Variants in HERPUD2 observed in about 807,000 individuals in gnomAD.
HERPUD2 encodes homocysteine-responsive endoplasmic reticulum-resident ubiquitin-like domain member 2 protein.
HERPUD2 carries 13 observed loss-of-function variants against 49.9 expected under a neutral mutation model. The ratio of observed to expected loss-of-function variants is 0.26; its 90% CI spans 0.17 to 0.41. The LOEUF (loss-of-function observed/expected upper bound fraction) is 0.41, where lower values mean the gene tolerates loss of function less well. Ranked by LOEUF, HERPUD2 falls within the 10% of genes least tolerant of loss-of-function variation. The probability of loss-of-function intolerance (pLI) is 1.00; values close to 1 mark genes in which losing one functional copy is unlikely to be tolerated. For synonymous variants in HERPUD2, 172 were observed against 171.4 expected, an observed-to-expected ratio of 1.00 and a Z score of -0.03; for missense variants, 449 against 492.2, an observed-to-expected ratio of 0.91 and a Z score of 0.83.
At chr7:35,638,195 G>T (rs1225507724) in intron 6 of HERPUD2, among the ~76,000 whole-genome samples, 155 bp downstream of exon 6, 4 of 152,234 alleles carry the variant, frequency 2.6e-5, no homozygotes, top group African/African-American at 7.2e-5. Context: ...GGCAGGGTTA[G>T]TTCATGTGAA....
intron 3 of HERPUD2, among the ~76,000 whole-genome samples, chr7:35,672,302 C>A (rs1785660999): frequency 6.6e-6 from 1 of 151,154 alleles, no homozygotes; most frequent in South Asian, 2.1e-4. Context: ...GAAAAAAAAA[C>A]CTGCTGCAAA....
intron 2 of HERPUD2, among the ~76,000 whole-genome samples, chr7:35,690,802 T>TC (rs1786165529): frequency 7.5e-6 from 1 of 133,926 alleles, no homozygotes; most frequent in African/African-American, 2.7e-5. Flanking sequence ...AAAGCGAAAC[T>TC]CCGTCTCAAA....
intron 2 of HERPUD2, among the ~76,000 whole-genome samples, chr7:35,681,962 T>C (rs1436879629): frequency 6.6e-6 from 1 of 152,212 alleles, no homozygotes; most frequent in African/African-American, 2.4e-5. Context: ...CTGGGTCATA[T>C]ACTTTAAAGG....
chr7:35,663,058 T>C (rs1785460648), intron 5 of HERPUD2, among the ~76,000 whole-genome samples: 1 of 152,248 alleles, frequency 6.6e-6, no homozygotes, highest in South Asian at 2.1e-4. Flanking sequence ...CCAGAGATTC[T>C]GGTATGTTGT....
At position 35,688,493 on chromosome 7, in the gene HERPUD2, T is replaced by C. The variant is rs73094496; in HGVS notation, c.147+5691A>G. 2.9e-3 allele frequency among the ~76,000 whole-genome samples: 439 copies of C among 152,316 alleles called. 2 individuals are homozygous for C. The highest frequency in any genetic ancestry group is 4.7e-3 in the Non-Finnish European group (318 of 68,008). On this transcript the variant is annotated intron_variant, in intron 2 of 8. Transcript: ENST00000311350. ...GTTCAATAGAGCCTGTCAAAGTATA[T>C]GACTATGGTTCACACCAACTGGTAG...
At chr7:35,678,125 G>C (rs1213541573) in intron 2 of HERPUD2, among the ~76,000 whole-genome samples, 1 of 152,034 alleles carries the variant, frequency 6.6e-6, no homozygotes, top group African/African-American at 2.4e-5. Context: ...GAAAAGTACA[G>C]AAAAGTTGAA....
intron 5 of HERPUD2, among the ~76,000 whole-genome samples, chr7:35,639,961 CT>C (rs1002781108): frequency 1.3e-4 from 20 of 151,958 alleles, no homozygotes; most frequent in African/African-American, 4.6e-4. Context: ...ATATAGGGTC[CT>C]ATATAAGGGG....
At chr7:35,656,381 T>C (rs1785275258) in intron 5 of HERPUD2, among the ~76,000 whole-genome samples, 1 of 152,104 alleles carries the variant, frequency 6.6e-6, no homozygotes, top group African/African-American at 2.4e-5. Flanking sequence ...AGAGCTCATA[T>C]CATTAAAATT....
At chr7:35,634,188 G>T in intron 8 of HERPUD2, 124 bp downstream of exon 8, 1 of 665,408 alleles carries the variant, frequency 1.5e-6, no homozygotes, top group East Asian at 2.6e-5. Context: ...TTATATGTTA[G>T]TTTTCTTTCA....
intron 5 of HERPUD2, among the ~76,000 whole-genome samples, chr7:35,662,056 C>T (rs1253032845): frequency 6.6e-6 from 1 of 152,160 alleles, no homozygotes; most frequent in African/African-American, 2.4e-5. Context: ...CCCATCAATA[C>T]CTAATTTATT....
intron 2 of HERPUD2, among the ~76,000 whole-genome samples, chr7:35,677,613 A>T (rs1785794450): frequency 6.6e-6 from 1 of 152,240 alleles, no homozygotes; most frequent in Non-Finnish European, 1.5e-5. Flanking sequence ...AAAGGAAGAA[A>T]TAGGACAATA....
rs1354357940 is a variant in HERPUD2 at position 35,695,075 on chromosome 7, G to A, written c.-572C>T. The A allele has an allele frequency of 1.3e-5, 2 of 152,548 alleles. No homozygotes were observed. Among genetic ancestry groups the A allele is most frequent in the African/African-American group, 4.8e-5 (2 of 41,472 alleles). The allele number at this position is 152,548 out of a possible 1,614,324, so 9.4% of individuals were successfully genotyped here. A position where few individuals can be genotyped will look rare whatever the true frequency, so the allele number is the denominator to read the frequency against. On this transcript the variant is annotated 5_prime_UTR_variant, in exon 1 of 9. Coordinates refer to ENST00000311350, the MANE Select transcript of HERPUD2 (RefSeq NM_022373.5). ...GCCGGGGGCGGCCCAGGCGACTACAGGTAGCAGGAGGGCGGGGACGAGAGC... is the reference window on the plus strand; with the variant it reads ...GCCGGGGGCGGCCCAGGCGACTACAAGTAGCAGGAGGGCGGGGACGAGAGC...
intron 6 of HERPUD2, among the ~76,000 whole-genome samples, chr7:35,638,052 G>A (rs566803525): frequency 4.6e-5 from 7 of 152,256 alleles, no homozygotes; most frequent in African/African-American, 1.7e-4. Flanking sequence ...TTACTCATTT[G>A]ACTAACTCTT....
chr7:35,639,366 G>A (rs1784928597), intron 5 of HERPUD2, among the ~76,000 whole-genome samples: 1 of 152,036 alleles, frequency 6.6e-6, no homozygotes, highest in African/African-American at 2.4e-5. Flanking sequence ...CTTGTGGAAG[G>A]TCACATTTAA....
At chr7:35,643,811 AAAAAG>A (rs1785005621) in intron 5 of HERPUD2, among the ~76,000 whole-genome samples, 1 of 151,590 alleles carries the variant, frequency 6.6e-6, no homozygotes, top group Non-Finnish European at 1.5e-5. Flanking sequence ...AAACTAAACT[AAAAAG>A]AAAAAATAGA....
At chr7:35,657,984 C>A (rs1785319122) in intron 5 of HERPUD2, among the ~76,000 whole-genome samples, 1 of 152,010 alleles carries the variant, frequency 6.6e-6, no homozygotes, top group Admixed American at 6.6e-5. Flanking sequence ...AATCCCACTA[C>A]TAGCTGGCTA....
intron 5 of HERPUD2, among the ~76,000 whole-genome samples, chr7:35,653,745 G>C (rs1318521411): frequency 2.0e-5 from 3 of 150,784 alleles, no homozygotes; most frequent in African/African-American, 7.3e-5. Flanking sequence ...CTAGAAATCA[G>C]TAACAAGAGA....
rs374777737 is a variant in HERPUD2 at position 35,646,547 on chromosome 7, G to C, written c.495-8075C>G. Among the ~76,000 whole-genome samples, 93 of 152,284 alleles carry C rather than the reference G, an allele frequency of 6.1e-4. 4 individuals carry two copies. The South Asian group carries it at 0.018, about 30-fold the overall frequency. On this transcript the variant is annotated intron_variant, in intron 5 of 8. Coordinates refer to ENST00000311350, the MANE Select transcript of HERPUD2 (RefSeq NM_022373.5). ...ACCACACTCCAGCCTCATCGACAGA[G>C]TGAGACTCCATCTATTTAAAAAAAG...
intron 5 of HERPUD2, among the ~76,000 whole-genome samples, chr7:35,659,998 A>C (rs1785376472): frequency 5.3e-5 from 8 of 152,034 alleles, no homozygotes; most frequent in Admixed American, 5.2e-4. Flanking sequence ...CATCTACATT[A>C]GGTATATCTC....
Sources: allele counts gnomAD v4.1 joint callset (sites outside exome capture counted in the v4.1 genomes callset), GRCh38; gene constraint gnomAD v4.1.1; transcripts MANE v1.5; gene names NCBI Gene and HGNC (gene_info 2026-07-23, HGNC 2026-07-21).